The following SLC25A13 variants were observed in gnomAD, a reference collection of about 807,000 sequenced individuals.
SLC25A13 encodes the protein electrogenic aspartate/glutamate antiporter SLC25A13, mitochondrial.
In SLC25A13, 70 loss-of-function variants were observed where a neutral mutation model predicts 85.5. That is an observed-to-expected ratio of 0.82 (90% CI 0.68 to 1.00). The LOEUF (loss-of-function observed/expected upper bound fraction) is 1.00, where lower values mean the gene tolerates loss of function less well. Ranked by LOEUF, SLC25A13 falls within the 50% of genes least tolerant of loss-of-function variation. The pLI is 0.00. For synonymous variants in SLC25A13, 259 were observed against 288.7 expected, an observed-to-expected ratio of 0.90 and a Z score of 1.04; for missense variants, 765 against 819.8, an observed-to-expected ratio of 0.93 and a Z score of 0.82.
chr7:96,190,187 C>T (rs764809730), intron 7 of SLC25A13, among the ~76,000 whole-genome samples: 19 of 150,270 alleles, frequency 1.3e-4, no homozygotes, highest in African/African-American at 4.2e-4. Context: ...TGGGTTCAAG[C>T]GATTCCCCTG....
intron 1 of SLC25A13, among the ~76,000 whole-genome samples, chr7:96,315,319 T>C (rs1329649370): frequency 6.6e-6 from 1 of 152,162 alleles, no homozygotes; most frequent in Non-Finnish European, 1.5e-5. Flanking sequence ...TAACAGTGGT[T>C]GTCAAGCTTT....
rs778800045 is a variant in SLC25A13, at chr7:96,121,774, T to C, written c.1751-29A>G. ...TAAAAAAATGGAGAAATCACAGATA[T>C]AATTAGATATTTTAAAAATTTACCT... On this transcript the variant is annotated intron_variant, in intron 16 of 17. Transcript: ENST00000265631. 52 of 1,613,486 alleles carry C rather than the reference T, an allele frequency of 3.2e-5. No individual in the cohort carries two copies. The highest frequency in any genetic ancestry group is 3.9e-5 in the Non-Finnish European group (46 of 1,179,610).
intron 4 of SLC25A13, among the ~76,000 whole-genome samples, chr7:96,210,377 A>G (rs1198950226): frequency 6.6e-6 from 1 of 152,226 alleles, no homozygotes; most frequent in African/African-American, 2.4e-5. Context: ...TTAGGATTTA[A>G]AGGAAAAACA....
chr7:96,241,083 AAAG>A (rs1796974894), intron 3 of SLC25A13, among the ~76,000 whole-genome samples: 1 of 145,726 alleles, frequency 6.9e-6, no homozygotes, highest in South Asian at 2.3e-4. Context: ...AGAAAGAAAG[AAAG>A]AAAGAAAGAA....
chr7:96,241,070 GA>G (rs1169046436), intron 3 of SLC25A13, among the ~76,000 whole-genome samples: 1 of 144,432 alleles, frequency 6.9e-6, no homozygotes, highest in African/African-American at 2.6e-5. Context: ...AAGAAAGAAA[GA>G]AAGAAAGAAA....
At chr7:96,305,874 C>T (rs1047473538) in intron 1 of SLC25A13, among the ~76,000 whole-genome samples, 19 of 152,154 alleles carry the variant, frequency 1.2e-4, no homozygotes, top group African/African-American at 1.4e-4. Context: ...AACTGAAGCA[C>T]GTCAAGAACC....
chr7:96,244,199 CT>C (rs1347042315), intron 3 of SLC25A13, among the ~76,000 whole-genome samples: 3 of 152,146 alleles, frequency 2.0e-5, no homozygotes, highest in African/African-American at 7.2e-5. Context: ...TGCTCAGCCC[CT>C]CCCCATCAAG....
At chr7:96,162,217 T>A (rs1161199358) in intron 13 of SLC25A13, among the ~76,000 whole-genome samples, 3 of 152,248 alleles carry the variant, frequency 2.0e-5, no homozygotes, top group Non-Finnish European at 4.4e-5. Flanking sequence ...TCATCAGCTC[T>A]GATTGTCAGA....
At chr7:96,302,101 T>A (rs1799568089) in intron 1 of SLC25A13, among the ~76,000 whole-genome samples, 1 of 152,218 alleles carries the variant, frequency 6.6e-6, no homozygotes, top group Admixed American at 6.5e-5. Context: ...TTTGACAAGA[T>A]AAACACTGGT....
chr7:96,209,069 T>TA, intron 4 of SLC25A13, 92 bp from the exon 5 acceptor site: 2 of 1,267,862 alleles, frequency 1.6e-6, no homozygotes, highest in Non-Finnish European at 2.2e-6. Context: ...TTTTTCTTAT[T>TA]AAAAAAAGTA....
intron 14 of SLC25A13, among the ~76,000 whole-genome samples, chr7:96,142,975 AAAC>A (rs1168371311): frequency 6.6e-6 from 1 of 152,226 alleles, no homozygotes; most frequent in Admixed American, 6.5e-5. Context: ...CAGTGGAAAA[AAAC>A]AACGCCTTTG....
intron 3 of SLC25A13, among the ~76,000 whole-genome samples, chr7:96,273,926 T>G (rs1189680332): frequency 1.3e-5 from 2 of 152,178 alleles, no homozygotes; most frequent in East Asian, 1.9e-4. Flanking sequence ...TTTGCATAGT[T>G]TCAGCTTAAA....
At chr7:96,190,865 G>A (rs1476502403) in intron 7 of SLC25A13, among the ~76,000 whole-genome samples, 2 of 152,118 alleles carry the variant, frequency 1.3e-5, no homozygotes, top group Admixed American at 6.5e-5. Flanking sequence ...CACCCACCTC[G>A]GCCTCCCAAA....
At chr7:96,128,195 C>A (rs1279732035) in intron 15 of SLC25A13, among the ~76,000 whole-genome samples, 1 of 152,118 alleles carries the variant, frequency 6.6e-6, no homozygotes, top group Admixed American at 6.5e-5. Context: ...TTTCCTAATT[C>A]TAATATACTT....
intron 4 of SLC25A13, among the ~76,000 whole-genome samples, chr7:96,217,821 G>A (rs1276562080): frequency 6.7e-6 from 1 of 148,258 alleles, no homozygotes; most frequent in Non-Finnish European, 1.5e-5. Context: ...GGTGATAATT[G>A]TACAAATCTG....
At chr7:96,129,790 C>T (rs1035777589) in intron 15 of SLC25A13, among the ~76,000 whole-genome samples, 1 of 152,150 alleles carries the variant, frequency 6.6e-6, no homozygotes, top group Non-Finnish European at 1.5e-5. Flanking sequence ...GTGGTTCACA[C>T]AGGGTGGAAA....
intron 15 of SLC25A13, among the ~76,000 whole-genome samples, chr7:96,125,484 C>T (rs1791686180): frequency 6.6e-6 from 1 of 152,152 alleles, no homozygotes; most frequent in Middle Eastern, 3.2e-3. Context: ...GTTTTGCCTT[C>T]CCCCTCCTGA....
intron 1 of SLC25A13, among the ~76,000 whole-genome samples, chr7:96,300,030 C>A (rs76453519): frequency 0.02 from 3,058 of 152,268 alleles, 99 homozygotes; most frequent in African/African-American, 0.069. Flanking sequence ...TTATGTGGTA[C>A]ATAACTGCAA....
intron 3 of SLC25A13, among the ~76,000 whole-genome samples, chr7:96,270,493 TG>T (rs1409809447): frequency 6.6e-6 from 1 of 151,230 alleles, no homozygotes; most frequent in African/African-American, 2.4e-5. Flanking sequence ...AGGCAGAGGT[TG>T]CAATGATCTG....
Sources: gnomAD v4.1 joint callset for allele counts (sites outside exome capture counted in the v4.1 genomes callset) on GRCh38, gnomAD v4.1.1 for gene constraint, MANE v1.5 for transcripts, NCBI Gene and HGNC (gene_info 2026-07-23, HGNC 2026-07-21) for gene names.